EPC1: variants seen among roughly 807,000 people sequenced by gnomAD.
The protein encoded by EPC1 is enhancer of polycomb homolog 1.
EPC1 carries 12 observed loss-of-function variants against 98.4 expected under a neutral mutation model. That is an observed-to-expected ratio of 0.12 (90% CI 0.08 to 0.20). The LOEUF (loss-of-function observed/expected upper bound fraction) is 0.20. EPC1 is among the 10% of genes least tolerant of loss of function. The probability of loss-of-function intolerance (pLI) is 1.00; values close to 1 mark genes in which losing one functional copy is unlikely to be tolerated. For synonymous variants in EPC1, 357 were observed against 363.9 expected, an observed-to-expected ratio of 0.98 and a Z score of 0.21; for missense variants, 729 against 990.5, an observed-to-expected ratio of 0.74 and a Z score of 3.54.
chr10:32,361,607 A>G (rs2133103074), intron 1 of EPC1, among the ~76,000 whole-genome samples: 1 of 152,162 alleles, frequency 6.6e-6, no homozygotes, highest in Admixed American at 6.5e-5. Flanking sequence ...ATAACCTTTT[A>G]CCCACCCCCA....
intron 10 of EPC1, among the ~76,000 whole-genome samples, chr10:32,277,049 G>GT (rs1036093869): frequency 9.6e-4 from 146 of 152,274 alleles, no homozygotes; most frequent in African/African-American, 3.4e-3. Flanking sequence ...TCACACATAT[G>GT]TAACAGTGGA....
intron 1 of EPC1, among the ~76,000 whole-genome samples, chr10:32,333,813 C>T (rs190807042): frequency 1.0e-3 from 158 of 152,226 alleles, no homozygotes; most frequent in Non-Finnish European, 7.9e-4. Flanking sequence ...TAGTAACGGG[C>T]GTATCTCAAA....
At chr10:32,316,612 A>T (rs1836564042) in intron 1 of EPC1, among the ~76,000 whole-genome samples, 1 of 152,246 alleles carries the variant, frequency 6.6e-6, no homozygotes, top group Non-Finnish European at 1.5e-5. Flanking sequence ...ATAATCTATG[A>T]CAGAAAAAAA....
chr10:32,347,167 C>T (rs1210396874), upstream of EPC1: 2 of 1,356,292 alleles, frequency 1.5e-6, no homozygotes, highest in Non-Finnish European at 9.5e-7. Flanking sequence ...GTGCGCTCTT[C>T]AGCCAACCCC....
At chr10:32,317,001 A>G (rs1228112856) in intron 1 of EPC1, among the ~76,000 whole-genome samples, 5 of 152,228 alleles carry the variant, frequency 3.3e-5, no homozygotes, top group African/African-American at 1.2e-4. Flanking sequence ...TTATGGGTAA[A>G]TTCTCATTGT....
intron 1 of EPC1, among the ~76,000 whole-genome samples, chr10:32,366,056 C>T (rs909948929): frequency 2.6e-5 from 4 of 151,956 alleles, no homozygotes; most frequent in African/African-American, 9.7e-5. Flanking sequence ...TCGCTTGAAC[C>T]CGGGAAGAGG....
At chr10:32,344,689 G>A (rs1592624072) in intron 1 of EPC1, among the ~76,000 whole-genome samples, 4 of 152,230 alleles carry the variant, frequency 2.6e-5, no homozygotes, top group Non-Finnish European at 5.9e-5. Flanking sequence ...GGGAGGCTGA[G>A]GAAGGAGAAT....
At chr10:32,285,151 C>T in intron 9 of EPC1, 101 bp from the exon 10 acceptor site, 5 of 826,916 alleles carry the variant, frequency 6.0e-6, no homozygotes, top group East Asian at 2.7e-5. Flanking sequence ...AAGGCCAACT[C>T]ATACTGAATA....
chr10:32,371,752 CA>C (rs1839757527), intron 1 of EPC1, among the ~76,000 whole-genome samples: 1 of 151,854 alleles, frequency 6.6e-6, no homozygotes, highest in Non-Finnish European at 1.5e-5. Flanking sequence ...TACACACACA[CA>C]AAAATTAGCT....
At position 32,293,176 on chromosome 10, in the gene EPC1, C is replaced by T; in HGVS notation, c.478G>A (p.Ala160Thr). 1.9e-6 allele frequency: 3 copies of T among 1,612,368 alleles called. No individual in the cohort carries two copies. Among genetic ancestry groups the T allele is most frequent in the Non-Finnish European group, 2.5e-6 (3 of 1,179,148 alleles). Reference protein sequence around the residue: ...SGQQPVSLQEAKLLLKEDDEL... With the variant: ...SGQQPVSLQETKLLLKEDDEL... ...TCATCTTCTTTTAGCAGTAGTTTGGCTTCCTGCAGACTGACTGGCTAAATG... is the reference window on the plus strand; with the variant it reads ...TCATCTTCTTTTAGCAGTAGTTTGGTTTCCTGCAGACTGACTGGCTAAATG... The change falls in exon 4 of 14, where the codon GCC becomes ACC. Residue 160 changes from alanine (A) to threonine (T), a missense_variant. Physicochemically the swap from Ala to Thr is moderately conservative, Grantham distance 58. Transcript: ENST00000319778.
chr10:32,272,296 T>C (rs891676114), intron 11 of EPC1, 129 bp from the exon 12 acceptor site: 1 of 713,868 alleles, frequency 1.4e-6, no homozygotes, highest in Non-Finnish European at 2.2e-6. Context: ...TCTTTCTATT[T>C]TGGTACCTTG....
At chr10:32,378,049 G>A (rs1230009990) in intron 1 of EPC1, among the ~76,000 whole-genome samples, 1 of 152,066 alleles carries the variant, frequency 6.6e-6, no homozygotes. Flanking sequence ...CAGCTTTTCT[G>A]TAGTTTGTAT....
intron 1 of EPC1, among the ~76,000 whole-genome samples, chr10:32,356,215 TATC>T (rs1177672735): frequency 4.6e-5 from 7 of 152,206 alleles, no homozygotes; most frequent in African/African-American, 1.7e-4. Flanking sequence ...GGTACAGAAT[TATC>T]ATCTAATAAA....
intron 1 of EPC1, among the ~76,000 whole-genome samples, chr10:32,337,810 C>T (rs759224221): frequency 7.9e-5 from 12 of 152,144 alleles, no homozygotes; most frequent in Non-Finnish European, 1.6e-4. Flanking sequence ...TTCTTCTACT[C>T]CAGCTGGGCT....
chr10:32,352,994 A>T (rs1021421083), intron 1 of EPC1, among the ~76,000 whole-genome samples: 2 of 152,100 alleles, frequency 1.3e-5, no homozygotes, highest in African/African-American at 4.8e-5. Flanking sequence ...TGTCTCTACT[A>T]AAAATATAAA....
intron 10 of EPC1, chr10:32,283,781 G>A (rs2132688745): frequency 6.6e-6 from 1 of 152,282 alleles, no homozygotes; most frequent in Admixed American, 6.5e-5. Context: ...AAGTTTTTGG[G>A]GAGTCAAAAG....
intron 1 of EPC1, among the ~76,000 whole-genome samples, chr10:32,368,921 G>C (rs943445460): frequency 3.9e-5 from 6 of 152,164 alleles, no homozygotes; most frequent in African/African-American, 1.4e-4. Context: ...ATATTACTTT[G>C]TTTGATAGAA....
At chr10:32,301,122 C>T (rs1835511368) in intron 2 of EPC1, among the ~76,000 whole-genome samples, 1 of 151,864 alleles carries the variant, frequency 6.6e-6, no homozygotes, top group African/African-American at 2.4e-5. Context: ...ACCTACATGC[C>T]CACCCACTCA....
intron 1 of EPC1, among the ~76,000 whole-genome samples, chr10:32,321,545 A>G (rs901446484): frequency 6.6e-6 from 1 of 152,088 alleles, no homozygotes; most frequent in Admixed American, 6.6e-5. Flanking sequence ...GAGGTTCAGC[A>G]GACTAGTTGT....
Sources: gnomAD v4.1 joint callset for allele counts (sites outside exome capture counted in the v4.1 genomes callset) on GRCh38, gnomAD v4.1.1 for gene constraint, MANE v1.5 for transcripts, NCBI Gene and HGNC (gene_info 2026-07-23, HGNC 2026-07-21) for gene names.